The following CTNNA3 variants were observed in gnomAD, a reference collection of about 807,000 sequenced individuals.
CTNNA3 encodes catenin alpha 3.
CTNNA3 carries 76 observed loss-of-function variants against 95.7 expected under a neutral mutation model. The ratio of observed to expected loss-of-function variants is 0.79; its 90% CI spans 0.66 to 0.96. CTNNA3 has a LOEUF of 0.96. Among genes scored for constraint, CTNNA3 ranks in the 40% least tolerant of loss-of-function variants. The probability of loss-of-function intolerance (pLI) is 0.00; values close to 1 mark genes in which losing one functional copy is unlikely to be tolerated. For missense variants in CTNNA3, 1,191 were observed against 1,089.8 expected (o/e 1.09, Z -1.31); for synonymous variants, 431 against 374.4 (o/e 1.15, Z -1.74).
At chr10:67,609,346 A>C (rs1472243180) in intron 2 of CTNNA3, among the ~76,000 whole-genome samples, 1 of 152,004 alleles carries the variant, frequency 6.6e-6, no homozygotes, top group East Asian at 1.9e-4. Context: ...AAACTACATA[A>C]TGCTTCCTGC....
intron 1 of CTNNA3, among the ~76,000 whole-genome samples, chr10:67,677,158 A>C (rs762543983): frequency 6.6e-6 from 1 of 152,196 alleles, no homozygotes; most frequent in Non-Finnish European, 1.5e-5. Context: ...TTCTCAAGTT[A>C]GAAAAAGACC....
At chr10:67,624,212 G>C (rs952237600) in intron 2 of CTNNA3, among the ~76,000 whole-genome samples, 24 of 151,994 alleles carry the variant, frequency 1.6e-4, no homozygotes, top group Admixed American at 3.3e-4. Context: ...GTCCAGACTC[G>C]CCAAAGAAAA....
At chr10:66,585,219 A>G (rs562292993) in intron 10 of CTNNA3, among the ~76,000 whole-genome samples, 1 of 151,742 alleles carries the variant, frequency 6.6e-6, no homozygotes, top group South Asian at 2.1e-4. Flanking sequence ...TTATATTTGG[A>G]TATCTATGTC....
intron 10 of CTNNA3, among the ~76,000 whole-genome samples, chr10:66,579,771 A>C (rs1371973802): frequency 1.3e-5 from 2 of 151,702 alleles, no homozygotes; most frequent in Non-Finnish European, 3.0e-5. Context: ...TGAGTTGACA[A>C]AATTTTTTCT....
intron 11 of CTNNA3, among the ~76,000 whole-genome samples, chr10:66,412,711 G>A (rs1036882142): frequency 4.0e-5 from 6 of 151,752 alleles, no homozygotes; most frequent in African/African-American, 7.3e-5. Flanking sequence ...TGCCCGCTTC[G>A]GCCTCCCAAA....
At chr10:66,287,464 A>C (rs1283253951) in intron 12 of CTNNA3, among the ~76,000 whole-genome samples, 1 of 152,096 alleles carries the variant, frequency 6.6e-6, no homozygotes, top group East Asian at 1.9e-4. Context: ...ATTCAAAATT[A>C]GGCACTCAGA....
intron 9 of CTNNA3, among the ~76,000 whole-genome samples, chr10:66,670,413 T>A (rs1846617960): frequency 6.6e-6 from 1 of 152,142 alleles, no homozygotes; most frequent in Non-Finnish European, 1.5e-5. Flanking sequence ...CATCTCAATT[T>A]CCTTGGGGCT....
intron 9 of CTNNA3, among the ~76,000 whole-genome samples, chr10:66,710,715 T>C (rs1395722867): frequency 2.0e-5 from 3 of 151,972 alleles, no homozygotes; most frequent in Non-Finnish European, 2.9e-5. Flanking sequence ...TGATAATATA[T>C]ATTCTAGACA....
intron 12 of CTNNA3, among the ~76,000 whole-genome samples, chr10:66,356,917 A>T (rs1426777859): frequency 6.6e-6 from 1 of 151,930 alleles, no homozygotes; most frequent in African/African-American, 2.4e-5. Context: ...GCAATAATTA[A>T]TTTTTGAATT....
chr10:67,379,740 G>A (rs1009572268), intron 5 of CTNNA3, among the ~76,000 whole-genome samples: 10 of 152,198 alleles, frequency 6.6e-5, no homozygotes, highest in Non-Finnish European at 8.8e-5. Flanking sequence ...AGTCTGGAGA[G>A]GCCGGGCGCG....
chr10:66,364,826 A>G (rs188612385), intron 12 of CTNNA3, among the ~76,000 whole-genome samples: 361 of 152,224 alleles, frequency 2.4e-3, no homozygotes, highest in African/African-American at 8.3e-3. Context: ...CCACATGACC[A>G]TGGCACATAA....
chr10:66,889,568 C>A (rs776516143), intron 7 of CTNNA3, among the ~76,000 whole-genome samples: 1 of 152,090 alleles, frequency 6.6e-6, no homozygotes, highest in Non-Finnish European at 1.5e-5. Context: ...AAAAAGATGA[C>A]CGTGGCTCCT....
At chr10:67,566,242 G>A (rs1381862562) in intron 3 of CTNNA3, among the ~76,000 whole-genome samples, 5 of 142,074 alleles carry the variant, frequency 3.5e-5, no homozygotes, top group Non-Finnish European at 7.7e-5. Context: ...GCAACCTACA[G>A]AATGGGAGAA....
intron 13 of CTNNA3, among the ~76,000 whole-genome samples, chr10:66,245,850 C>A (rs2090298017): frequency 6.6e-6 from 1 of 152,222 alleles, no homozygotes; most frequent in Non-Finnish European, 1.5e-5. Flanking sequence ...CCACTCTCAG[C>A]AGAGAAGGTA....
At chr10:66,342,491 G>A (rs1272378051) in intron 12 of CTNNA3, among the ~76,000 whole-genome samples, 1 of 150,682 alleles carries the variant, frequency 6.6e-6, no homozygotes, top group Non-Finnish European at 1.5e-5. Flanking sequence ...GAAGGACAGA[G>A]AAAACATTCT....
chr10:66,906,911 G>A (rs1003966090), intron 7 of CTNNA3, among the ~76,000 whole-genome samples: 1 of 152,058 alleles, frequency 6.6e-6, no homozygotes, highest in African/African-American at 2.4e-5. Flanking sequence ...CACTGAGCCT[G>A]AGCGACACAT....
intron 16 of CTNNA3, among the ~76,000 whole-genome samples, chr10:65,970,651 T>TA (rs2078076602): frequency 6.7e-6 from 1 of 148,548 alleles, no homozygotes; most frequent in Admixed American, 6.8e-5. Flanking sequence ...ATATGTACTT[T>TA]AAAATATATT....
intron 6 of CTNNA3, among the ~76,000 whole-genome samples, chr10:67,199,026 G>A (rs1863511121): frequency 6.6e-6 from 1 of 151,520 alleles, no homozygotes; most frequent in African/African-American, 2.4e-5. Context: ...AGAGGAGGGA[G>A]ATGTAAAAAA....
chr10:66,494,032 C>G (rs550194607), intron 11 of CTNNA3, among the ~76,000 whole-genome samples: 1 of 150,160 alleles, frequency 6.7e-6, no homozygotes, highest in Non-Finnish European at 1.5e-5. Flanking sequence ...CTCAGCCTCT[C>G]GAGTAGCTAG....
Sources: allele counts gnomAD v4.1 joint callset (sites outside exome capture counted in the v4.1 genomes callset), GRCh38; gene constraint gnomAD v4.1.1; transcripts MANE v1.5; gene names NCBI Gene and HGNC (gene_info 2026-07-23, HGNC 2026-07-21).